CFAP20DC: variants seen among roughly 807,000 people sequenced by gnomAD.
CFAP20DC encodes the protein protein CFAP20DC.
CFAP20DC carries 84 observed loss-of-function variants against 101.7 expected under a neutral mutation model. The ratio of observed to expected loss-of-function variants is 0.83; its 90% CI spans 0.69 to 0.99. CFAP20DC has a LOEUF of 0.99. CFAP20DC is among the 50% of genes least tolerant of loss of function. The pLI is 0.00. For missense variants in CFAP20DC, 1,007 were observed against 970.3 expected (o/e 1.04, Z -0.50); for synonymous variants, 359 against 351.2 (o/e 1.02, Z -0.25).
chr3:58,919,073 G>A (rs1053383500), intron 5 of CFAP20DC, among the ~76,000 whole-genome samples: 1 of 152,104 alleles, frequency 6.6e-6, no homozygotes, highest in African/African-American at 2.4e-5. Context: ...AATTGCCCCA[G>A]ACAGATCCTG....
intron 12 of CFAP20DC, among the ~76,000 whole-genome samples, chr3:58,857,981 A>G (rs2078973571): frequency 6.6e-6 from 1 of 152,118 alleles, no homozygotes; most frequent in Non-Finnish European, 1.5e-5. Flanking sequence ...ATATAAATTT[A>G]TTATGTGCAT....
chr3:58,814,266 T>G (rs1438044296), intron 14 of CFAP20DC, among the ~76,000 whole-genome samples: 1 of 151,852 alleles, frequency 6.6e-6, no homozygotes, highest in Admixed American at 6.6e-5. Context: ...AAAATAGAAG[T>G]GGTTACAGAA....
chr3:58,820,752 C>G (rs1412823931), intron 14 of CFAP20DC, among the ~76,000 whole-genome samples: 1 of 146,978 alleles, frequency 6.8e-6, no homozygotes. Flanking sequence ...CCATCCCCAT[C>G]AAGCTACCAA....
chr3:58,913,821 AT>A lies in CFAP20DC; in HGVS notation c.436del (p.Ile146TyrfsTer27). 6.2e-7 allele frequency: 1 copy of A among 1,613,692 alleles called. No homozygotes were observed. The highest frequency in any genetic ancestry group is 8.5e-7 in the Non-Finnish European group (1 of 1,179,786). Reference protein sequence around the residue: ...CIDLVAFTSEIFKGAVFQSLD... With the variant: ...CIDLVAFTSEXFKGAVFQSLD... ...TGACTGGAAAACTGCCCCCTTGAAT[AT>A]TTCACTGGTGAATGCTACTAAGTCA... is the stretch of plus-strand genomic sequence containing the variant. On this transcript the variant is annotated frameshift_variant, in exon 6 of 17. Coordinates refer to ENST00000482387, the MANE Select transcript of CFAP20DC (RefSeq NM_001394063.1). LOFTEE classifies it high-confidence loss of function. This position sits in a 1 kb window ranked among gnomAD's most constrained non-coding sequence, Gnocchi z 4.4.
rs143085100 is a variant in CFAP20DC, at chr3:58,831,846, G to T, written c.2015C>A (p.Ser672Tyr). 4.3e-6 allele frequency: 7 copies of T among 1,613,880 alleles called. No homozygotes were observed. In the African/African-American group the frequency reaches 8.0e-5, roughly 18 times the overall value. Residue 672 changes from serine to tyrosine, a missense_variant, in exon 14 of 17, where the codon TCC becomes TAC. Transcript: ENST00000482387. The part of the protein sequence containing the change: ...RNYQPSQMSE[S>Y]ELQMLASLRW... ...TAGGCTTGCTAGCATCTGTAACTCG[G>T]ATTCACTCATCTGGCTTGGCTGATA...
intron 4 of CFAP20DC, among the ~76,000 whole-genome samples, chr3:58,996,156 T>C (rs761130369): frequency 2.0e-5 from 3 of 152,128 alleles, no homozygotes; most frequent in African/African-American, 4.8e-5. Context: ...AACACCATAA[T>C]TGGGTTTTCC....
intron 13 of CFAP20DC, among the ~76,000 whole-genome samples, chr3:58,842,146 C>T (rs1448054046): frequency 6.6e-6 from 1 of 152,194 alleles, no homozygotes; most frequent in Non-Finnish European, 1.5e-5. Flanking sequence ...TTAAGAATTA[C>T]CAGTACTCGG....
At chr3:58,967,252 C>T (rs1047128076) in intron 4 of CFAP20DC, among the ~76,000 whole-genome samples, 1 of 152,068 alleles carries the variant, frequency 6.6e-6, no homozygotes, top group African/African-American at 2.4e-5. Flanking sequence ...GGCACCAAGA[C>T]AATTTAATGG....
chr3:58,849,078 A>C lies in CFAP20DC; in HGVS notation c.1925T>G (p.Leu642Arg). 6.5e-7 allele frequency: 1 copy of C among 1,536,040 alleles called. No homozygotes were observed. Among genetic ancestry groups the C allele is most frequent in the East Asian group, 2.4e-5 (1 of 40,910 alleles). ...QVPASLNKTS[L>R]KEISGERLSS... ...CAGCCTTTCCCCTGAGATTTCTTTC[A>C]GGGAGGTTTTGTTTAGTGAAGCTGG... The change falls in exon 13 of 17, where the codon CTG becomes CGG. Residue 642 changes from leucine (L) to arginine (R), a missense_variant. Leu to Arg is a moderately radical substitution (Grantham distance 102). Coordinates refer to ENST00000482387, the MANE Select transcript of CFAP20DC (RefSeq NM_001394063.1).
At chr3:58,720,882 C>A (rs143105105) in intron 3 of CFAP20DC, among the ~76,000 whole-genome samples, 47 of 152,238 alleles carry the variant, frequency 3.1e-4, no homozygotes, top group African/African-American at 1.1e-3. Flanking sequence ...ATGTAAATTA[C>A]AAAGGAGTAA....
At chr3:58,796,939 T>C (rs2107667818) in intron 15 of CFAP20DC, among the ~76,000 whole-genome samples, 1 of 152,356 alleles carries the variant, frequency 6.6e-6, no homozygotes, top group African/African-American at 2.4e-5. Flanking sequence ...CCAGGAACCA[T>C]GCCCATATAA....
intron 12 of CFAP20DC, chr3:58,862,630 T>A (rs1363095665): frequency 2.0e-6 from 2 of 985,252 alleles, no homozygotes; most frequent in Non-Finnish European, 2.4e-6. Flanking sequence ...TGCTATGGAC[T>A]TAATCTGTGC....
intron 5 of CFAP20DC, among the ~76,000 whole-genome samples, chr3:58,921,629 G>A (rs1559826436): frequency 6.6e-6 from 1 of 152,096 alleles, no homozygotes; most frequent in Non-Finnish European, 1.5e-5. Context: ...TTTTAAATTT[G>A]TTAAATATGG....
intron 4 of CFAP20DC, among the ~76,000 whole-genome samples, chr3:58,979,897 T>C (rs1309545981): frequency 6.6e-6 from 1 of 152,132 alleles, no homozygotes; most frequent in Non-Finnish European, 1.5e-5. Flanking sequence ...AATCATATCC[T>C]GGACAGCAAA....
rs995677439 is a variant in CFAP20DC at position 59,049,724 on chromosome 3, C to T, written c.-93G>A. 2.7e-6 allele frequency: 4 copies of T among 1,465,484 alleles called. No individual in the cohort carries two copies. In the African/African-American group the frequency reaches 5.6e-5, roughly 21 times the overall value. The allele number at this position is 1,465,484 out of a possible 1,614,324, so 90.8% of individuals were successfully genotyped here. On this transcript the variant is annotated 5_prime_UTR_variant, in exon 1 of 17. Transcript: ENST00000482387. ...CGGCTGGAAATCGGCTGGCGGGAAC[C>T]CAGGAGCCCGACGGGTGGGAAAGGG... is the stretch of plus-strand genomic sequence containing the variant.
intron 12 of CFAP20DC, among the ~76,000 whole-genome samples, chr3:58,856,145 A>G (rs1007041816): frequency 6.6e-6 from 1 of 151,758 alleles, no homozygotes. Flanking sequence ...CTCCTAACAA[A>G]TAGTGTACCT....
intron 15 of CFAP20DC, among the ~76,000 whole-genome samples, chr3:58,785,051 T>A (rs1162838109): frequency 3.3e-5 from 5 of 152,258 alleles, no homozygotes; most frequent in East Asian, 3.9e-4. Context: ...AACGAATGAA[T>A]GGATAAAGAA....
chr3:58,781,332 T>G (rs1015264796), intron 15 of CFAP20DC, among the ~76,000 whole-genome samples: 1 of 151,504 alleles, frequency 6.6e-6, no homozygotes, highest in Non-Finnish European at 1.5e-5. Context: ...ATCAAAAAAG[T>G]AGCAAATAAA....
chr3:58,745,561 T>A (rs1350968841), intron 16 of CFAP20DC, among the ~76,000 whole-genome samples: 6 of 152,198 alleles, frequency 3.9e-5, no homozygotes, highest in Non-Finnish European at 7.3e-5. Flanking sequence ...AAAATGGGAA[T>A]AACAATGCCT....
Sources: allele counts gnomAD v4.1 joint callset (sites outside exome capture counted in the v4.1 genomes callset), GRCh38; gene constraint gnomAD v4.1.1; non-coding constraint Gnocchi (gnomAD v3.1); transcripts MANE v1.5; gene names NCBI Gene and HGNC (gene_info 2026-07-23, HGNC 2026-07-21).